Variants in ZNRF3 observed in about 807,000 individuals in gnomAD.
ZNRF3 encodes E3 ubiquitin-protein ligase ZNRF3.
ZNRF3 carries 23 observed loss-of-function variants against 72.5 expected under a neutral mutation model. The ratio of observed to expected loss-of-function variants is 0.32; its 90% confidence interval spans 0.23 to 0.45. The LOEUF is 0.45. ZNRF3 is among the 20% of genes least tolerant of loss of function. The pLI is 1.00. For synonymous variants in ZNRF3, 610 were observed against 545.3 expected, an observed-to-expected ratio of 1.12 and a Z score of -1.65; for missense variants, 1,169 against 1,272.1, an observed-to-expected ratio of 0.92 and a Z score of 1.23.
chr22:28,967,088 G>T (rs2035481513), intron 1 of ZNRF3, among the ~76,000 whole-genome samples: 2 of 152,038 alleles, frequency 1.3e-5, no homozygotes, highest in African/African-American at 4.8e-5. Flanking sequence ...CACCATGTTG[G>T]CTAGGCTGGT....
intron 2 of ZNRF3, chr22:29,031,510 C>A: frequency 1.1e-6 from 1 of 895,502 alleles, no homozygotes; most frequent in Non-Finnish European, 1.3e-6. Flanking sequence ...CGAGAATGTC[C>A]TGTGTCATGC....
At chr22:28,911,004 A>G (rs1601548194) in intron 1 of ZNRF3, among the ~76,000 whole-genome samples, 1 of 152,158 alleles carries the variant, frequency 6.6e-6, no homozygotes, top group Non-Finnish European at 1.5e-5. Flanking sequence ...CGGCTGGGAG[A>G]CAACAGATCT....
At chr22:29,051,603 T>TA (rs1212194016) in intron 8 of ZNRF3, among the ~76,000 whole-genome samples, 3,490 of 104,952 alleles carry the variant, frequency 0.033, 114 homozygotes, top group African/African-American at 0.087. Context: ...GACTCTGTCT[T>TA]AAAAAAAAAA....
At chr22:28,994,345 C>G (rs1041990298) in intron 2 of ZNRF3, among the ~76,000 whole-genome samples, 1 of 151,398 alleles carries the variant, frequency 6.6e-6, no homozygotes, top group African/African-American at 2.4e-5. Flanking sequence ...CACCACCACG[C>G]CTGGATAATT....
chr22:28,907,077 G>C (rs2034221380), intron 1 of ZNRF3, among the ~76,000 whole-genome samples: 1 of 151,282 alleles, frequency 6.6e-6, no homozygotes, highest in Non-Finnish European at 1.5e-5. Flanking sequence ...CCGCCTCCCG[G>C]GTTCAAGCAA....
chr22:28,988,950 A>G (rs1233580472), intron 2 of ZNRF3, among the ~76,000 whole-genome samples: 1 of 152,142 alleles, frequency 6.6e-6, no homozygotes, highest in African/African-American at 2.4e-5. Context: ...AGAGAACCCA[A>G]CTATTTCCTC....
At chr22:28,995,389 C>T (rs1209733698) in intron 2 of ZNRF3, among the ~76,000 whole-genome samples, 4 of 152,120 alleles carry the variant, frequency 2.6e-5, no homozygotes, top group Admixed American at 6.5e-5. Context: ...GATCACGCTA[C>T]TGCACTCCAA....
At chr22:28,925,838 G>A (rs1280893363) in intron 1 of ZNRF3, among the ~76,000 whole-genome samples, 1 of 151,996 alleles carries the variant, frequency 6.6e-6, no homozygotes, top group East Asian at 1.9e-4. Flanking sequence ...AAGCACATGG[G>A]GGCTGAGATG....
At chr22:28,969,349 A>T (rs946354830) in intron 1 of ZNRF3, among the ~76,000 whole-genome samples, 1 of 152,184 alleles carries the variant, frequency 6.6e-6, no homozygotes, top group Non-Finnish European at 1.5e-5. Flanking sequence ...TTTAAGCATA[A>T]TTTACACCTT....
chr22:28,913,420 C>T lies in ZNRF3; in HGVS notation c.300+29354C>T, dbSNP rs114139543. Among the ~76,000 whole-genome samples the T allele has an allele frequency of 6.8e-3, 1,031 of 152,172 alleles. 15 individuals carry two copies. The highest frequency in any genetic ancestry group is 0.022 in the African/African-American group (904 of 41,492). ...CAAGGTGCTAGGGGATATGGAGTGG[C>T]GGGTAGCCAGTATTAGGTTAGTTTA... On this transcript the variant is annotated intron_variant, in intron 1 of 8. Transcript: ENST00000544604.
chr22:29,044,919 A>G, intron 5 of ZNRF3, 29 bp downstream of exon 5: 1 of 1,507,564 alleles, frequency 6.6e-7, no homozygotes, highest in Non-Finnish European at 9.2e-7. Context: ...GCCCGTGAGC[A>G]GTAACCCCTC....
chr22:28,948,755 T>G (rs1471070703), intron 1 of ZNRF3, among the ~76,000 whole-genome samples: 1 of 152,236 alleles, frequency 6.6e-6, no homozygotes, highest in Non-Finnish European at 1.5e-5. Flanking sequence ...TCTGAAAGAT[T>G]AGTTGCAATG....
intron 1 of ZNRF3, among the ~76,000 whole-genome samples, chr22:28,914,569 C>T (rs1436200323): frequency 1.4e-5 from 2 of 146,626 alleles, no homozygotes; most frequent in Non-Finnish European, 3.0e-5. Context: ...AATTCCAGCA[C>T]TTTGGGAGGC....
chr22:28,960,380 A>G (rs2035335812), intron 1 of ZNRF3, among the ~76,000 whole-genome samples: 1 of 152,220 alleles, frequency 6.6e-6, no homozygotes, highest in Non-Finnish European at 1.5e-5. Context: ...CAACATGACC[A>G]TCAGCCCAGA....
At chr22:28,958,669 T>C (rs989852471) in intron 1 of ZNRF3, among the ~76,000 whole-genome samples, 2 of 152,140 alleles carry the variant, frequency 1.3e-5, no homozygotes, top group Non-Finnish European at 2.9e-5. Flanking sequence ...AGTGGCCCTT[T>C]TGGAGTACAG....
intron 2 of ZNRF3, among the ~76,000 whole-genome samples, chr22:29,008,068 T>G (rs2036290070): frequency 6.6e-6 from 1 of 152,176 alleles, no homozygotes; most frequent in African/African-American, 2.4e-5. Context: ...GAAATTCTAT[T>G]TCTTTCCTTT....
intron 2 of ZNRF3, among the ~76,000 whole-genome samples, chr22:28,991,997 A>T (rs955133704): frequency 6.6e-6 from 1 of 151,996 alleles, no homozygotes; most frequent in Non-Finnish European, 1.5e-5. Context: ...TAAAAAAAAA[A>T]AAATAATAAG....
intron 1 of ZNRF3, among the ~76,000 whole-genome samples, chr22:28,938,585 T>C (rs2034884363): frequency 1.3e-5 from 2 of 152,170 alleles, no homozygotes; most frequent in Admixed American, 1.3e-4. Flanking sequence ...TTGACGACTT[T>C]CTAGCTGAAG....
chr22:29,045,127 G>A (rs2037041574), intron 5 of ZNRF3, among the ~76,000 whole-genome samples: 1 of 152,016 alleles, frequency 6.6e-6, no homozygotes, highest in South Asian at 2.1e-4. Context: ...TTGGGAGGCC[G>A]AGGCAGGCAG....
Sources: gnomAD v4.1 joint callset for allele counts (sites outside exome capture counted in the v4.1 genomes callset) on GRCh38, gnomAD v4.1.1 for gene constraint, MANE v1.5 for transcripts, NCBI Gene and HGNC (gene_info 2026-07-23, HGNC 2026-07-21) for gene names.